The following SSU72 variants were observed in gnomAD, a reference collection of about 807,000 sequenced individuals.
SSU72 encodes the protein RNA polymerase II subunit A C-terminal domain phosphatase SSU72.
In SSU72, 12 loss-of-function variants were observed where a neutral mutation model predicts 22.7. The observed-to-expected ratio is 0.53, with a 90% CI of 0.34 to 0.86. The LOEUF is 0.86. Ranked by LOEUF, SSU72 falls within the 40% of genes least tolerant of loss-of-function variation. The pLI, the probability that SSU72 is intolerant of heterozygous loss-of-function variation, is 0.02. For missense variants in SSU72, 151 were observed against 249.8 expected, an observed-to-expected ratio of 0.60 and a Z score of 2.67; for synonymous variants, 116 against 98.3, an observed-to-expected ratio of 1.18 and a Z score of -1.06.
intron 2 of SSU72, chr1:1,562,185 A>T (rs1383487397): frequency 6.6e-5 from 10 of 152,332 alleles, no homozygotes; most frequent in Admixed American, 6.5e-4. Context: ...GGAACCCAGG[A>T]GGTCACAGTG....
At position 1,554,765 on chromosome 1, in the gene SSU72, T is replaced by C. The variant is rs1642499619; in HGVS notation, c.225-9763A>G. 6.6e-6 allele frequency among the ~76,000 whole-genome samples: 1 copy of C among 152,048 alleles called. No homozygotes were observed. The highest frequency in any genetic ancestry group is 2.4e-5 in the African/African-American group (1 of 41,390). On this transcript the variant is annotated intron_variant, in intron 2 of 4. Coordinates refer to ENST00000291386, the MANE Select transcript of SSU72 (RefSeq NM_014188.3). The surrounding 1 kb of genome is among the most constrained non-coding windows in gnomAD (Gnocchi z 4.1). ...AAAAGCCATGTCAGGTGCAGCACGC[T>C]GGCCACAGGCACTGGAGCCACGAAA...
chr1:1,547,450 G>A (rs1049559116), intron 2 of SSU72, among the ~76,000 whole-genome samples: 2 of 152,246 alleles, frequency 1.3e-5, no homozygotes, highest in African/African-American at 2.4e-5. Context: ...AAGGATGAGC[G>A]AGCAGCCACC....
rs7533 is a variant in SSU72, at chr1:1,543,953, A to G, written c.399T>C (p.Pro133=). 590,479 of 1,613,234 alleles carry G rather than the reference A, an allele frequency of 0.37. 132,665 individuals carry two copies. Among genetic ancestry groups the G allele is most frequent in the East Asian group, 0.85 (38,219 of 44,860 alleles). ...LNSREQETCQ[P]VHVVNVDIQD... is the part of the protein sequence containing the mutation. ...GGATGTCCACATTGACCACGTGCAC[A>G]GGCTGGCAGGTCTCCTGTTCTCTGG... Residue 133 remains proline, a synonymous_variant, in exon 4 of 5, where the codon CCT becomes CCC. Coordinates refer to ENST00000291386, the MANE Select transcript of SSU72 (RefSeq NM_014188.3).
intron 4 of SSU72, among the ~76,000 whole-genome samples, chr1:1,543,158 G>T (rs1016705131): frequency 6.6e-6 from 1 of 152,248 alleles, no homozygotes; most frequent in Admixed American, 6.5e-5. Flanking sequence ...GGCTACAGAA[G>T]CCTTGGGGTG....
rs374434537 is a variant in SSU72, at chr1:1,544,012, C to A, written c.365-25G>T. The stretch of plus-strand genomic sequence containing the variant: ...TCTGATTGGGACAAGGTGACACAGA[C>A]GTCAGAGGCTCCAAAACCAGGGAAC... On this transcript the variant is annotated intron_variant, in intron 3 of 4. Transcript: ENST00000291386. 228 of 1,576,780 alleles carry A rather than the reference C, an allele frequency of 1.4e-4. 1 individual carries two copies. The African/African-American group carries it at 2.9e-3, about 20-fold the overall frequency.
intron 1 of SSU72, among the ~76,000 whole-genome samples, chr1:1,571,046 G>C (rs556458309): frequency 6.6e-6 from 1 of 151,804 alleles, no homozygotes; most frequent in South Asian, 2.1e-4. Flanking sequence ...GGAGATCGAG[G>C]CCATCTGGCC....
chr1:1,574,321 G>A (rs1051134662), intron 1 of SSU72, among the ~76,000 whole-genome samples, 157 bp downstream of exon 1: 3 of 152,124 alleles, frequency 2.0e-5, no homozygotes, highest in African/African-American at 7.2e-5. Flanking sequence ...TGGACTACGC[G>A]CGCTGCCGTC....
chr1:1,545,339 C>T (rs1642377683), intron 2 of SSU72: 1 of 291,820 alleles, frequency 3.4e-6, no homozygotes, highest in Admixed American at 4.7e-5. Flanking sequence ...CCCAAGCTGC[C>T]CTTGGCCTCA....
chr1:1,548,284 C>T (rs1020583356), intron 2 of SSU72, among the ~76,000 whole-genome samples: 4 of 152,160 alleles, frequency 2.6e-5, no homozygotes, highest in Non-Finnish European at 5.9e-5. Context: ...CCCAGCTGGG[C>T]GCGGTGGCTC....
chr1:1,566,503 C>T (rs1018403594), intron 1 of SSU72, among the ~76,000 whole-genome samples: 9 of 152,296 alleles, frequency 5.9e-5, no homozygotes, highest in Admixed American at 2.6e-4. Context: ...GCTGCTGCTT[C>T]GCTCTTGAGC....
chr1:1,572,615 C>T (rs1642745087), intron 1 of SSU72, among the ~76,000 whole-genome samples: 1 of 150,480 alleles, frequency 6.6e-6, no homozygotes, highest in South Asian at 2.1e-4. Context: ...CGCCACCACG[C>T]CCGGCTAATT....
rs1213546202 is a variant in SSU72 at position 1,554,028 on chromosome 1, CGTCAGGTGGCCACGGAGACCACGT to C, written c.225-9050_225-9027del. On this transcript the variant is annotated intron_variant, in intron 2 of 4. Coordinates refer to ENST00000291386, the MANE Select transcript of SSU72 (RefSeq NM_014188.3). The surrounding 1 kb of genome is among the most constrained non-coding windows in gnomAD (Gnocchi z 4.1). ...GTGAGAACTCAGCAGGTCCGGGGGA[CGTCAGGTGGCCACGGAGACCACGT>C]GTCAGTGGCCAGGGCCTCTAAAGAG... is the stretch of plus-strand genomic sequence containing the variant. Among the ~76,000 whole-genome samples the C allele has an allele frequency of 6.6e-6, 1 of 152,278 alleles. No individual in the cohort carries two copies. Among genetic ancestry groups the C allele is most frequent in the East Asian group, 1.9e-4 (1 of 5,172 alleles).
chr1:1,559,938 T>G (rs1159573857), intron 2 of SSU72, among the ~76,000 whole-genome samples: 3 of 152,232 alleles, frequency 2.0e-5, no homozygotes, highest in Admixed American at 2.0e-4. Context: ...TTGGTCAGGC[T>G]GCTCCCAAAC....
At position 1,541,914 on chromosome 1, in the gene SSU72, G is replaced by A. The variant is rs557896680; in HGVS notation, c.*152C>T. 2.3e-5 allele frequency: 15 copies of A among 648,084 alleles called. No homozygotes were observed. The highest frequency in any genetic ancestry group is 1.8e-4 in the African/African-American group (10 of 54,332). 40.1% of individuals were successfully genotyped at this position (648,084 alleles called of 1,614,324 possible). ...AGAAACTTGATTGCTTTCATCTGGC[G>A]TTTTGGCATCTCCTCTCCCATTTCA... On this transcript the variant is annotated 3_prime_UTR_variant, in exon 5 of 5. Coordinates refer to ENST00000291386, the MANE Select transcript of SSU72 (RefSeq NM_014188.3).
chr1:1,574,763 G>C lies in SSU72; in HGVS notation c.-206C>G, dbSNP rs530334036. ...GGACGGAGCGCAGGCACTGGCCTTC[G>C]GGCGCGCTGCACTCGGCGAGGCCGG... On this transcript the variant is annotated 5_prime_UTR_variant, in exon 1 of 5. Transcript: ENST00000291386. The C allele has an allele frequency of 7.4e-4, 214 of 289,580 alleles. No individual in the cohort carries two copies. In the Middle Eastern group the frequency reaches 9.3e-3, roughly 13 times the overall value. 17.9% of individuals were successfully genotyped at this position (289,580 alleles called of 1,614,324 possible).
At position 1,574,687 on chromosome 1, in the gene SSU72, C is replaced by A; in HGVS notation, c.-130G>T. The A allele has an allele frequency of 1.1e-6, 1 of 887,166 alleles. No homozygotes were observed. Among genetic ancestry groups the A allele is most frequent in the Non-Finnish European group, 1.6e-6 (1 of 635,596 alleles). The allele number at this position is 887,166 out of a possible 1,614,324, so 55.0% of individuals were successfully genotyped here. On this transcript the variant is annotated 5_prime_UTR_variant, in exon 1 of 5. Coordinates refer to ENST00000291386, the MANE Select transcript of SSU72 (RefSeq NM_014188.3). ...CGAAACGACGGCGCCGGCGGTGTAG[C>A]GTGCGGCGACTGCGCGGCGGCCTCC...
At position 1,554,397 on chromosome 1, in the gene SSU72, G is replaced by T. The variant is rs1403523582; in HGVS notation, c.225-9395C>A. 1.3e-5 allele frequency among the ~76,000 whole-genome samples: 2 copies of T among 152,238 alleles called. No individual in the cohort carries two copies. Among genetic ancestry groups the T allele is most frequent in the African/African-American group, 4.8e-5 (2 of 41,466 alleles). On this transcript the variant is annotated intron_variant, in intron 2 of 4. Coordinates refer to ENST00000291386, the MANE Select transcript of SSU72 (RefSeq NM_014188.3). This position sits in a 1 kb window ranked among gnomAD's most constrained non-coding sequence, Gnocchi z 4.1. ...ATGAGGCGGATCCGGCCCATTTGGG[G>T]GTCCCCACGAGCCCTCGCTGACCAC...
intron 1 of SSU72, among the ~76,000 whole-genome samples, chr1:1,574,177 G>A (rs1032343794): frequency 6.6e-6 from 1 of 152,120 alleles, no homozygotes; most frequent in Admixed American, 6.5e-5. Context: ...TACCATGATC[G>A]GCCGCCGCCG....
rs1218597858 is a variant in SSU72, at chr1:1,542,649, C to G, written c.484-482G>C. Among the ~76,000 whole-genome samples the G allele has an allele frequency of 1.6e-4, 25 of 152,136 alleles. No homozygotes were observed. The highest frequency in any genetic ancestry group is 1.6e-3 in the Admixed American group (25 of 15,272). On this transcript the variant is annotated intron_variant, in intron 4 of 4. Coordinates refer to ENST00000291386, the MANE Select transcript of SSU72 (RefSeq NM_014188.3). This position sits in a 1 kb window ranked among gnomAD's most constrained non-coding sequence, Gnocchi z 4.4. ...CTAGGCACACCTGCCCTGGCACCGG[C>G]AGCTCGTTACTCGCCATCTCCACTG...
Sources: gnomAD v4.1 joint callset for allele counts (sites outside exome capture counted in the v4.1 genomes callset) on GRCh38, gnomAD v4.1.1 for gene constraint, Gnocchi (gnomAD v3.1) non-coding constraint, MANE v1.5 for transcripts, NCBI Gene and HGNC (gene_info 2026-07-23, HGNC 2026-07-21) for gene names.